The following MBNL2 variants were observed in gnomAD, a reference collection of about 807,000 sequenced individuals.
MBNL2 encodes muscleblind-like protein 2.
In MBNL2, 17 loss-of-function variants were observed where a neutral mutation model predicts 41.9. The ratio of observed to expected loss-of-function variants is 0.41; its 90% CI spans 0.28 to 0.61. The LOEUF is 0.61. Ranked by LOEUF, MBNL2 falls within the 20% of genes least tolerant of loss-of-function variation. The pLI is 0.35. For synonymous variants in MBNL2, 195 were observed against 182.9 expected (o/e 1.07, Z -0.53); for missense variants, 336 against 505.6 (o/e 0.66, Z 3.22).
chr13:97,165,165 C>G, the MBNL2 span, among the ~76,000 whole-genome samples: 1 of 152,208 alleles, frequency 6.6e-6, no homozygotes, highest in South Asian at 2.1e-4. Flanking sequence ...GATCATGCCA[C>G]TGCACTCCAG....
chr13:97,362,026 C>G (rs893336039), intron 7 of MBNL2, among the ~76,000 whole-genome samples: 4 of 152,206 alleles, frequency 2.6e-5, no homozygotes, highest in African/African-American at 9.6e-5. Context: ...CCCACCTCAG[C>G]CTCCCAAAGT....
the MBNL2 span, among the ~76,000 whole-genome samples, chr13:97,166,780 C>CTTGA: frequency 8.6e-6 from 1 of 115,706 alleles, no homozygotes; most frequent in African/African-American, 3.4e-5. Flanking sequence ...CTAAACTTCC[C>CTTGA]TTGATAGATA....
chr13:97,326,526 G>A (rs2059924537), intron 2 of MBNL2, among the ~76,000 whole-genome samples: 1 of 152,190 alleles, frequency 6.6e-6, no homozygotes, highest in South Asian at 2.1e-4. Context: ...ATAATAAACA[G>A]AAAGAGCTTA....
At chr13:97,153,983 G>C in the MBNL2 span, among the ~76,000 whole-genome samples, 1 of 152,140 alleles carries the variant, frequency 6.6e-6, no homozygotes, top group African/African-American at 2.4e-5. Flanking sequence ...TCCAGTAAAT[G>C]TTAACTTTAT....
intron 1 of MBNL2, among the ~76,000 whole-genome samples, chr13:97,247,959 A>C (rs2045799577): frequency 6.6e-6 from 1 of 152,256 alleles, no homozygotes; most frequent in African/African-American, 2.4e-5. Flanking sequence ...ACTTTTCATC[A>C]GAAAACCTTG....
intron 2 of MBNL2, among the ~76,000 whole-genome samples, chr13:97,331,376 G>A (rs915780209): frequency 1.3e-5 from 2 of 152,198 alleles, no homozygotes; most frequent in African/African-American, 2.4e-5. Context: ...GAATCTGTGA[G>A]CTTGATTACT....
At chr13:97,251,277 A>G (rs1403169721) in intron 1 of MBNL2, among the ~76,000 whole-genome samples, 2 of 151,826 alleles carry the variant, frequency 1.3e-5, no homozygotes, top group East Asian at 3.9e-4. Flanking sequence ...TGTAACATGG[A>G]GAAAGGATAA....
chr13:97,350,850 T>TTAAC (rs1244964864), intron 5 of MBNL2, among the ~76,000 whole-genome samples: 9 of 152,246 alleles, frequency 5.9e-5, no homozygotes, highest in Non-Finnish European at 1.0e-4. Context: ...AGGATTGGAA[T>TTAAC]TAACTTCTTC....
chr13:97,262,545 T>C (rs1374833781), intron 1 of MBNL2, among the ~76,000 whole-genome samples: 2 of 152,178 alleles, frequency 1.3e-5, no homozygotes, highest in African/African-American at 4.8e-5. Context: ...AGCCTTCCTG[T>C]TTTCTGTCCT....
chr13:97,185,004 A>G, the MBNL2 span, among the ~76,000 whole-genome samples: 1 of 152,162 alleles, frequency 6.6e-6, no homozygotes, highest in Non-Finnish European at 1.5e-5. Context: ...TTCATTTTAC[A>G]TATTTCCTTT....
the MBNL2 span, among the ~76,000 whole-genome samples, chr13:97,176,875 G>C: frequency 0.096 from 14,554 of 152,016 alleles, 772 homozygotes; most frequent in South Asian, 0.17. Flanking sequence ...ACCAAACAAC[G>C]TTTTTAGTCT....
At chr13:97,291,870 G>A (rs1194125484) in intron 2 of MBNL2, among the ~76,000 whole-genome samples, 14 of 109,866 alleles carry the variant, frequency 1.3e-4, no homozygotes, top group Non-Finnish European at 2.1e-4. Flanking sequence ...ACTCCAGCCT[G>A]GGCAACAGAG....
At chr13:97,260,925 C>T (rs920527907) in intron 1 of MBNL2, among the ~76,000 whole-genome samples, 1 of 152,002 alleles carries the variant, frequency 6.6e-6, no homozygotes. Context: ...ATTTTCTTTC[C>T]CTTTAAAAAC....
At chr13:97,213,308 A>C in the MBNL2 span, among the ~76,000 whole-genome samples, 1,694 of 152,328 alleles carry the variant, frequency 0.011, 42 homozygotes, top group African/African-American at 0.038. Flanking sequence ...CGGTCTAATG[A>C]ACAGGAAAAA....
chr13:97,189,123 G>T, the MBNL2 span, among the ~76,000 whole-genome samples: 1 of 151,758 alleles, frequency 6.6e-6, no homozygotes, highest in East Asian at 1.9e-4. Context: ...CAAACTCCTG[G>T]CCTCAAGCGA....
At chr13:97,344,828 G>A (rs568505438) in intron 4 of MBNL2, among the ~76,000 whole-genome samples, 1 of 152,344 alleles carries the variant, frequency 6.6e-6, no homozygotes, top group South Asian at 2.1e-4. Context: ...AACAGGGCTG[G>A]TAGACAAAGA....
intron 8 of MBNL2, among the ~76,000 whole-genome samples, chr13:97,369,099 G>A (rs75543784): frequency 1.3e-5 from 2 of 152,120 alleles, no homozygotes; most frequent in Non-Finnish European, 2.9e-5. Context: ...TTCCAGATAT[G>A]ATATTCTTTA....
intron 1 of MBNL2, among the ~76,000 whole-genome samples, chr13:97,253,810 A>G (rs78484352): frequency 6.6e-6 from 1 of 152,200 alleles, no homozygotes; most frequent in African/African-American, 2.4e-5. Flanking sequence ...ACTTATTACA[A>G]TACAATGTTA....
At chr13:97,213,057 C>A in the MBNL2 span, among the ~76,000 whole-genome samples, 1 of 152,100 alleles carries the variant, frequency 6.6e-6, no homozygotes, top group African/African-American at 2.4e-5. Flanking sequence ...ACAGGGACTT[C>A]CCAGATAACC....
Sources: allele counts gnomAD v4.1 joint callset (sites outside exome capture counted in the v4.1 genomes callset), GRCh38; gene constraint gnomAD v4.1.1; transcripts MANE v1.5; gene names NCBI Gene and HGNC (gene_info 2026-07-23, HGNC 2026-07-21).